Variants in NECAB2 observed in about 807,000 individuals in gnomAD.
NECAB2 encodes the protein N-terminal EF-hand calcium binding protein 2.
Under a neutral mutation model 51.9 loss-of-function variants are expected in NECAB2, and 68 were observed. The observed-to-expected ratio is 1.31, with a 90% confidence interval of 1.08 to 1.60. The LOEUF (loss-of-function observed/expected upper bound fraction) is 1.60. Among genes scored for constraint, NECAB2 ranks in the 40% most tolerant of loss-of-function variants. The probability of loss-of-function intolerance (pLI) is 0.00; values close to 1 mark genes in which losing one functional copy is unlikely to be tolerated. For missense variants in NECAB2, 854 were observed against 490.3 expected (o/e 1.74, Z -7.00); for synonymous variants, 329 against 203.5 (o/e 1.62, Z -5.25).
intron 8 of NECAB2, among the ~76,000 whole-genome samples, chr16:83,995,058 C>T (rs1034052906): frequency 3.9e-5 from 6 of 152,048 alleles, no homozygotes; most frequent in Non-Finnish European, 2.9e-5. Context: ...AAAGGCAGCA[C>T]CAGGATGAAA....
intron 9 of NECAB2, among the ~76,000 whole-genome samples, chr16:83,997,651 C>G (rs1233572915): frequency 6.6e-6 from 1 of 151,830 alleles, no homozygotes; most frequent in African/African-American, 2.4e-5. Flanking sequence ...CCACGCCTGG[C>G]TAATTTTTTT....
upstream of NECAB2, among the ~76,000 whole-genome samples, chr16:83,966,915 C>T (rs1250552674): frequency 1.3e-5 from 2 of 152,018 alleles, no homozygotes; most frequent in African/African-American, 4.8e-5. Context: ...CTCATTTTGT[C>T]ACCCAGGCTG....
chr16:83,997,121 G>A (rs2084714729), intron 8 of NECAB2, 95 bp from the exon 9 acceptor site: 3 of 1,495,352 alleles, frequency 2.0e-6, no homozygotes, highest in Non-Finnish European at 2.8e-6. Context: ...GGGTCCTTGG[G>A]AGCTCCCAAC....
upstream of NECAB2, chr16:83,965,237 G>A: frequency 6.2e-7 from 1 of 1,612,502 alleles, no homozygotes; most frequent in Non-Finnish European, 8.5e-7. Flanking sequence ...CCTCTTCCAG[G>A]TGAGCGGCTT....
At chr16:84,001,175 TA>T (rs1418416009) in intron 11 of NECAB2, among the ~76,000 whole-genome samples, 6 of 152,132 alleles carry the variant, frequency 3.9e-5, no homozygotes, top group Non-Finnish European at 8.8e-5. Flanking sequence ...TTCCAGCGAC[TA>T]ACCTCCCCTC....
intron 8 of NECAB2, among the ~76,000 whole-genome samples, chr16:83,995,781 G>A (rs563419436): frequency 6.6e-6 from 1 of 152,332 alleles, no homozygotes; most frequent in South Asian, 2.1e-4. Flanking sequence ...AAGTCCGAGG[G>A]AGGAAGCTCA....
At chr16:83,971,351 G>A (rs1265117076) in intron 1 of NECAB2, 1 of 152,214 alleles carries the variant, frequency 6.6e-6, no homozygotes, top group Non-Finnish European at 1.5e-5. Context: ...GGCCCGGGCT[G>A]AGGAGGTTTT....
chr16:83,969,973 A>ACACT (rs1379760140), intron 1 of NECAB2, among the ~76,000 whole-genome samples: 2 of 152,150 alleles, frequency 1.3e-5, no homozygotes, highest in Non-Finnish European at 2.9e-5. Context: ...CTAGAGTGCC[A>ACACT]CACTCGCAGG....
In NECAB2 at chr16:83,997,479, CTTTTTTTTTTT is replaced by C. The variant is rs11296947; in HGVS notation, c.849+226_849+236del. On this transcript the variant is annotated intron_variant, in intron 9 of 12. Coordinates refer to ENST00000305202, the MANE Select transcript of NECAB2 (RefSeq NM_019065.3). The stretch of plus-strand genomic sequence containing the variant: ...GGGTATTTCTTGAGGCTCCCTGGAC[CTTTTTTTTTTT>C]TTTTTTTTTTTTTTTGAGATGGAGT... Among the ~76,000 whole-genome samples, 20 of 53,280 alleles carry C rather than the reference CTTTTTTTTTTT, an allele frequency of 3.8e-4. No homozygotes were observed. The South Asian group carries it at 4.2e-3, about 11-fold the overall frequency. The allele number at this position is 53,280 out of a possible 152,430, so 35.0% of individuals were successfully genotyped here.
intron 5 of NECAB2, among the ~76,000 whole-genome samples, chr16:83,982,907 T>G (rs1166174328): frequency 6.6e-6 from 1 of 151,952 alleles, no homozygotes; most frequent in Non-Finnish European, 1.5e-5. Flanking sequence ...GTCTCACTCT[T>G]GTCCAGGCTG....
At chr16:83,989,515 G>T (rs2084595278) in intron 5 of NECAB2, among the ~76,000 whole-genome samples, 1 of 152,172 alleles carries the variant, frequency 6.6e-6, no homozygotes, top group Non-Finnish European at 1.5e-5. Flanking sequence ...TCCTTGCCTT[G>T]CCAGGGACTG....
Position 83,997,268 on chromosome 16 carries a change from T to C in NECAB2, c.848T>C (p.Met283Thr), listed in dbSNP as rs139863929. Reference protein sequence around the residue: ...QRLSDEDGTNMHLQLVRQEMA... With the variant: ...QRLSDEDGTNTHLQLVRQEMA... ...CTGTCAGATGAAGATGGCACCAACA[T>C]GGTGAGGCCCCTTCCCACCTCTCTT... The change falls in exon 9 of 13, where the codon ATG (methionine) becomes ACG (threonine). Residue 283 changes from methionine to threonine, a missense_variant and splice_region_variant. Transcript: ENST00000305202. 5.6e-6 allele frequency: 9 copies of C among 1,614,078 alleles called. No homozygotes were observed. The Admixed American group carries it at 1.2e-4, about 21-fold the overall frequency.
intron 2 of NECAB2, among the ~76,000 whole-genome samples, chr16:83,976,109 G>A (rs1156298341): frequency 6.6e-6 from 1 of 152,184 alleles, no homozygotes; most frequent in Non-Finnish European, 1.5e-5. Flanking sequence ...GGCACGTGGG[G>A]AGATGAGCCA....
chr16:84,002,555 A>C lies in NECAB2; in HGVS notation c.*209A>C, dbSNP rs1242776472. 1.5e-6 allele frequency: 1 copy of C among 653,894 alleles called. No homozygotes were observed. Among genetic ancestry groups the C allele is most frequent in the Non-Finnish European group, 2.6e-6 (1 of 382,348 alleles). 40.5% of individuals were successfully genotyped at this position (653,894 alleles called of 1,614,324 possible). On this transcript the variant is annotated 3_prime_UTR_variant, in exon 13 of 13. Coordinates refer to ENST00000305202, the MANE Select transcript of NECAB2 (RefSeq NM_019065.3). ...TGTCTGTGCTGCCAGGTCCTGGTGAAGCCCAAGGTTGAAGGGGGCGGCTTC... is the reference window on the plus strand; with the variant it reads ...TGTCTGTGCTGCCAGGTCCTGGTGACGCCCAAGGTTGAAGGGGGCGGCTTC...
intron 5 of NECAB2, among the ~76,000 whole-genome samples, chr16:83,985,313 C>CAAAAAAAAAAAAAAAAAAAAA (rs71148868): frequency 3.6e-4 from 11 of 30,194 alleles, no homozygotes; most frequent in African/African-American, 5.8e-4. Flanking sequence ...ATCTCTGTCT[C>CAAAAAAAAAAAAAAAAAAAAA]AAAAAAAAAA....
intron 2 of NECAB2, among the ~76,000 whole-genome samples, chr16:83,974,433 G>T (rs939516609): frequency 6.6e-6 from 1 of 152,160 alleles, no homozygotes; most frequent in South Asian, 2.1e-4. Flanking sequence ...CAAATGCCTC[G>T]GAAATGGGAG....
At chr16:83,985,807 A>C (rs560622129) in intron 5 of NECAB2, among the ~76,000 whole-genome samples, 1 of 152,204 alleles carries the variant, frequency 6.6e-6, no homozygotes, top group East Asian at 1.9e-4. Context: ...TTTTTAATGT[A>C]CTGAGATTTT....
intron 8 of NECAB2, among the ~76,000 whole-genome samples, chr16:83,996,002 A>T (rs1221953527): frequency 1.3e-5 from 2 of 152,174 alleles, no homozygotes; most frequent in East Asian, 3.9e-4. Context: ...CGTCCTGGAG[A>T]CGGGGTGGGA....
chr16:83,997,642 C>A (rs2084732310), intron 9 of NECAB2, among the ~76,000 whole-genome samples: 2 of 151,980 alleles, frequency 1.3e-5, no homozygotes, highest in Middle Eastern at 3.4e-3. Context: ...TGTGTGCCAC[C>A]ACGCCTGGCT....
Sources: gnomAD v4.1 joint callset for allele counts (sites outside exome capture counted in the v4.1 genomes callset) on GRCh38, gnomAD v4.1.1 for gene constraint, MANE v1.5 for transcripts, NCBI Gene and HGNC (gene_info 2026-07-23, HGNC 2026-07-21) for gene names.